The following CFAP210 variants were observed in gnomAD, a reference collection of about 807,000 sequenced individuals.
CFAP210 encodes cilia and flagella associated protein 210, also known as cilia- and flagella- associated protein 210.
At chr2:169,676,273 T>G in the CFAP210 span, among the ~76,000 whole-genome samples, 1 of 152,074 alleles carries the variant, frequency 6.6e-6, no homozygotes, top group African/African-American at 2.4e-5. Context: ...TATGGGTTTA[T>G]AGACAGTCTT....
At chr2:169,677,072 G>A in the CFAP210 span, among the ~76,000 whole-genome samples, 1 of 152,172 alleles carries the variant, frequency 6.6e-6, no homozygotes, top group Non-Finnish European at 1.5e-5. Flanking sequence ...GCCAGCAGAT[G>A]CACAGAGAGG....
the CFAP210 span, chr2:169,661,284 T>A: frequency 1.8e-6 from 1 of 543,542 alleles, no homozygotes; most frequent in South Asian, 1.4e-5. Context: ...AGATGCCGTT[T>A]GCATCTTTTA....
chr2:169,649,311 TTTTC>T, the CFAP210 span: 2 of 1,612,610 alleles, frequency 1.2e-6, no homozygotes, highest in Admixed American at 1.7e-5. Context: ...TAGCCTCTAT[TTTTC>T]TTTGTCTTTC....
chr2:169,682,070 A>G, the CFAP210 span, among the ~76,000 whole-genome samples: 1 of 152,214 alleles, frequency 6.6e-6, no homozygotes, highest in Non-Finnish European at 1.5e-5. Flanking sequence ...TTATTTTTGA[A>G]GATGATTGAG....
the CFAP210 span, among the ~76,000 whole-genome samples, chr2:169,676,583 A>T: frequency 6.6e-6 from 1 of 152,028 alleles, no homozygotes; most frequent in South Asian, 2.1e-4. Flanking sequence ...GCAACCACTG[A>T]TCTGTTTTCT....
the CFAP210 span, among the ~76,000 whole-genome samples, chr2:169,680,397 C>T: frequency 5.3e-5 from 8 of 152,212 alleles, no homozygotes; most frequent in Admixed American, 3.3e-4. Context: ...CTATTCTACA[C>T]GAAGATATTT....
At chr2:169,673,988 T>C in the CFAP210 span, among the ~76,000 whole-genome samples, 2 of 152,212 alleles carry the variant, frequency 1.3e-5, no homozygotes, top group Non-Finnish European at 2.9e-5. Flanking sequence ...TCCCTTCCCC[T>C]TCCTGTCTCA....
At chr2:169,666,768 C>T in the CFAP210 span, among the ~76,000 whole-genome samples, 3 of 152,108 alleles carry the variant, frequency 2.0e-5, no homozygotes, top group Non-Finnish European at 4.4e-5. Flanking sequence ...TAGAGTCAAT[C>T]CTCTCCACCT....
the CFAP210 span, among the ~76,000 whole-genome samples, chr2:169,680,271 T>C: frequency 6.6e-6 from 1 of 152,216 alleles, no homozygotes; most frequent in African/African-American, 2.4e-5. Context: ...TTGTTGAGGA[T>C]GGAGAGGAAA....
the CFAP210 span, among the ~76,000 whole-genome samples, chr2:169,669,773 T>A: frequency 8.3e-6 from 1 of 120,914 alleles, no homozygotes; most frequent in South Asian, 2.9e-4. Context: ...AGACTCCGTC[T>A]TAAAAAAAAA....
the CFAP210 span, among the ~76,000 whole-genome samples, chr2:169,660,252 T>C: frequency 6.6e-6 from 1 of 151,668 alleles, no homozygotes; most frequent in South Asian, 2.1e-4. Context: ...TAGCTGAGCG[T>C]GGTGGTGCGT....
At chr2:169,663,792 A>AT in the CFAP210 span, among the ~76,000 whole-genome samples, 1 of 143,472 alleles carries the variant, frequency 7.0e-6, no homozygotes, top group Non-Finnish European at 1.6e-5. Flanking sequence ...CCTAAAAATA[A>AT]TAATAAAAAA....
chr2:169,675,300 T>G, the CFAP210 span, among the ~76,000 whole-genome samples: 1 of 152,222 alleles, frequency 6.6e-6, no homozygotes, highest in Non-Finnish European at 1.5e-5. Flanking sequence ...TGTTCTCACA[T>G]TTCTATAAAG....
the CFAP210 span, among the ~76,000 whole-genome samples, chr2:169,647,398 T>C: frequency 2.0e-5 from 3 of 152,098 alleles, no homozygotes; most frequent in Admixed American, 2.0e-4. Context: ...TTGATATGCA[T>C]TAAGCATAAA....
chr2:169,650,585 T>C, the CFAP210 span: 1 of 1,345,920 alleles, frequency 7.4e-7, no homozygotes, highest in Non-Finnish European at 9.6e-7. Context: ...GCCAACATAA[T>C]TTAATTAGGG....
At chr2:169,674,740 T>G in the CFAP210 span, 1 of 1,590,000 alleles carries the variant, frequency 6.3e-7, no homozygotes, top group Non-Finnish European at 8.5e-7. Flanking sequence ...CATCACGTTC[T>G]TTCATAACTC....
At chr2:169,692,982 A>G in the CFAP210 span, among the ~76,000 whole-genome samples, 1 of 152,228 alleles carries the variant, frequency 6.6e-6, no homozygotes, top group East Asian at 1.9e-4. Flanking sequence ...GTTTTTCTTT[A>G]GTAAACACTC....
the CFAP210 span, among the ~76,000 whole-genome samples, chr2:169,656,362 GGAA>G: frequency 8.0e-6 from 1 of 124,842 alleles, no homozygotes; most frequent in African/African-American, 3.0e-5. Flanking sequence ...GGAGGAAAAA[GGAA>G]GAAGAAAGAG....
chr2:169,694,400 T>G, the CFAP210 span: 1 of 1,450,974 alleles, frequency 6.9e-7, no homozygotes, highest in Non-Finnish European at 9.6e-7. Flanking sequence ...TTGTTACTCG[T>G]ACCACGCGGT....
Sources: allele counts gnomAD v4.1 joint callset (sites outside exome capture counted in the v4.1 genomes callset), GRCh38; gene constraint gnomAD v4.1.1; transcripts MANE v1.5; gene names NCBI Gene and HGNC (gene_info 2026-07-23, HGNC 2026-07-21).